The following ARHGEF6 variants were observed in gnomAD, a reference collection of about 807,000 sequenced individuals.
ARHGEF6 encodes Rac/Cdc42 guanine nucleotide exchange factor 6.
ARHGEF6 carries 9 observed loss-of-function variants against 70.3 expected under a neutral mutation model. That is an observed-to-expected ratio of 0.13 (90% CI 0.08 to 0.22). The LOEUF is 0.22. Among genes scored for constraint, ARHGEF6 ranks in the 10% least tolerant of loss-of-function variants. The probability of loss-of-function intolerance (pLI) is 1.00; values close to 1 mark genes in which losing one functional copy is unlikely to be tolerated. For synonymous variants in ARHGEF6, 201 were observed against 207.8 expected (o/e 0.97, Z 0.28); for missense variants, 470 against 563.0 (o/e 0.83, Z 1.67).
At chrX:136,727,325 T>TTTTCTTTC (rs745840487) in intron 6 of ARHGEF6, among the ~76,000 whole-genome samples, 89 of 61,105 alleles carry the variant, frequency 1.5e-3, no homozygotes, top group Non-Finnish European at 2.3e-3. Flanking sequence ...CTTTCTTTCT[T>TTTTCTTTC]TTTCTTTCTT....
chrX:136,756,863 T>C (rs1225573322), intron 2 of ARHGEF6, among the ~76,000 whole-genome samples: 1 of 112,393 alleles, frequency 8.9e-6, no homozygotes, highest in Admixed American at 9.4e-5. Context: ...AATTAATTAG[T>C]GAATCCTGCT....
At chrX:136,715,971 G>A (rs183212720) in intron 6 of ARHGEF6, among the ~76,000 whole-genome samples, 11 of 112,422 alleles carry the variant, frequency 9.8e-5, no homozygotes, top group Admixed American at 3.7e-4. Flanking sequence ...ACGCAGTTTC[G>A]CTTTTGTTGC....
intron 9 of ARHGEF6, among the ~76,000 whole-genome samples, chrX:136,703,943 G>C (rs754330666): frequency 9.7e-5 from 11 of 112,892 alleles, no homozygotes; most frequent in Non-Finnish European, 1.7e-4. Context: ...AAACCAAAAA[G>C]TTCATGTGAC....
intron 11 of ARHGEF6, among the ~76,000 whole-genome samples, chrX:136,686,697 CATATATATATACATATATATAT>C (rs1215371302): frequency 4.7e-5 from 2 of 42,941 alleles, no homozygotes; most frequent in Admixed American, 3.6e-4. Context: ...TATATATACA[CATATATATATACATATATATAT>C]ATATATATAT....
At chrX:136,751,995 G>A (rs772377616) in intron 2 of ARHGEF6, among the ~76,000 whole-genome samples, 1 of 111,533 alleles carries the variant, frequency 9.0e-6, no homozygotes, top group Admixed American at 9.5e-5. Context: ...AAATGATGGA[G>A]CCAATAAAGA....
intron 18 of ARHGEF6, among the ~76,000 whole-genome samples, chrX:136,675,894 A>T (rs2076278028): frequency 9.4e-6 from 1 of 106,118 alleles, no homozygotes; most frequent in African/African-American, 3.4e-5. Context: ...CTCCAAACTC[A>T]TTCTTGCAAT....
rs1316671938 is a variant in ARHGEF6 at position 136,680,733 on chromosome X, A to C, written c.1702T>G (p.Ser568Ala). The C allele has an allele frequency of 1.2e-5, 15 of 1,210,011 alleles. No individual in the cohort carries two copies. Among genetic ancestry groups the C allele is most frequent in the Non-Finnish European group, 1.6e-5 (14 of 894,951 alleles). The change falls in exon 15 of 22, where the codon TCT (serine) becomes GCT (alanine). Residue 568 changes from serine (S) to alanine (A), a missense_variant and splice_region_variant. Transcript: ENST00000250617. ...GACAGAACACATGGACTACTTACAG[A>C]ATGAGCACTACATGATGACGATGAG... ...KTSSSSCSAH[S>A]SFSSTGQPRG...
chrX:136,691,988 T>C (rs963872944), intron 9 of ARHGEF6, among the ~76,000 whole-genome samples: 3 of 111,647 alleles, frequency 2.7e-5, no homozygotes, highest in African/African-American at 9.8e-5. Context: ...CTATAAGGTG[T>C]GAAGTGTGTT....
chrX:136,753,962 A>G (rs1486202063), intron 2 of ARHGEF6, among the ~76,000 whole-genome samples: 3 of 112,073 alleles, frequency 2.7e-5, no homozygotes, highest in African/African-American at 6.5e-5. Context: ...GTCACTTTAC[A>G]TAACTAATAT....
intron 18 of ARHGEF6, among the ~76,000 whole-genome samples, chrX:136,675,351 G>T (rs777215894): frequency 4.6e-5 from 5 of 107,751 alleles, no homozygotes; most frequent in Admixed American, 2.0e-4. Flanking sequence ...GGACCGGGGT[G>T]GGGGGGGCGG....
At chrX:136,728,621 GGGTGCCCA>G (rs1426965333) in intron 6 of ARHGEF6, among the ~76,000 whole-genome samples, 1 of 106,770 alleles carries the variant, frequency 9.4e-6, no homozygotes, top group Non-Finnish European at 1.9e-5. Flanking sequence ...AGGATAGACA[GGGTGCCCA>G]GATATTTAGC....
intron 2 of ARHGEF6, chrX:136,767,629 G>A: frequency 1.3e-6 from 1 of 754,535 alleles, no homozygotes; most frequent in Non-Finnish European, 1.6e-6. Context: ...TGCGCGGGGT[G>A]GCGAGTGGAG....
chrX:136,721,448 A>G (rs2047005883), intron 6 of ARHGEF6, among the ~76,000 whole-genome samples: 2 of 111,117 alleles, frequency 1.8e-5, no homozygotes, highest in Admixed American at 9.6e-5. Context: ...CTGTAGCCCC[A>G]GCTACTTGGG....
intron 6 of ARHGEF6, among the ~76,000 whole-genome samples, chrX:136,724,624 C>T (rs1236549014): frequency 2.7e-5 from 3 of 110,385 alleles, no homozygotes; most frequent in African/African-American, 6.6e-5. Context: ...CCAAGTAGCT[C>T]GGCCTGCAAG....
intron 6 of ARHGEF6, among the ~76,000 whole-genome samples, chrX:136,729,937 A>G (rs1204709622): frequency 1.8e-5 from 2 of 109,517 alleles, no homozygotes; most frequent in Admixed American, 9.8e-5. Flanking sequence ...ATATATATGC[A>G]TATATATATA....
In ARHGEF6 at chrX:136,719,764, AAGAG is replaced by A. The variant is rs758355691; in HGVS notation, c.733-6398_733-6395del. Among the ~76,000 whole-genome samples the A allele has an allele frequency of 3.6e-5, 4 of 112,062 alleles. No homozygotes were observed. In the East Asian group the frequency reaches 1.1e-3, roughly 31 times the overall value. ...AAAATTGATGAACTTCATTGAAAAA[AAGAG>A]AGAAGATACAAACTGTTAGTATCAG... On this transcript the variant is annotated intron_variant, in intron 6 of 21. Transcript: ENST00000250617.
chrX:136,673,595 T>G (rs190899428), intron 19 of ARHGEF6, among the ~76,000 whole-genome samples: 1 of 110,919 alleles, frequency 9.0e-6, no homozygotes, highest in Middle Eastern at 4.2e-3. Context: ...GGAGATGAGG[T>G]CAGATTTTGT....
chrX:136,743,838 G>C, intron 4 of ARHGEF6, 52 bp from the exon 5 acceptor site: 1 of 1,106,308 alleles, frequency 9.0e-7, no homozygotes, highest in Non-Finnish European at 1.2e-6. Context: ...ATAAGGCAGG[G>C]GTAGAAATGA....
At chrX:136,724,522 G>C (rs1180058852) in intron 6 of ARHGEF6, among the ~76,000 whole-genome samples, 6 of 111,047 alleles carry the variant, frequency 5.4e-5, no homozygotes, top group Non-Finnish European at 1.1e-4. Context: ...ACAGGGTTTT[G>C]CTGTGTCACC....
Sources: gnomAD v4.1 joint callset for allele counts (sites outside exome capture counted in the v4.1 genomes callset) on GRCh38, gnomAD v4.1.1 for gene constraint, MANE v1.5 for transcripts, NCBI Gene and HGNC (gene_info 2026-07-23, HGNC 2026-07-21) for gene names.